Variants in TNPO1 observed in about 807,000 individuals in gnomAD.
The protein encoded by TNPO1 is transportin-1.
A neutral mutation model predicts 119.5 loss-of-function variants in TNPO1; 8 were observed. The ratio of observed to expected loss-of-function variants is 0.07; its 90% CI spans 0.04 to 0.12. The LOEUF (loss-of-function observed/expected upper bound fraction) is 0.12, where lower values mean the gene tolerates loss of function less well. TNPO1 is among the 10% of genes least tolerant of loss of function. The pLI is 1.00. For missense variants in TNPO1, 576 were observed against 1,089.8 expected (o/e 0.53, Z 6.64); for synonymous variants, 362 against 363.0 (o/e 1.00, Z 0.03).
At position 72,904,263 on chromosome 5, in the gene TNPO1, G is replaced by C. The variant is rs565623417; in HGVS notation, c.2589+480G>C. Reference sequence around the variant, plus strand: ...GATTAAAGTTAGTGAACTATAGTTTGTCGTGAACTCAAAGCTTGTGTATTT... The same window carrying C: ...GATTAAAGTTAGTGAACTATAGTTTCTCGTGAACTCAAAGCTTGTGTATTT... On this transcript the variant is annotated intron_variant, in intron 23 of 24. Coordinates refer to ENST00000337273, the MANE Select transcript of TNPO1 (RefSeq NM_002270.4). Among the ~76,000 whole-genome samples, 9 of 152,288 alleles carry C rather than the reference G, an allele frequency of 5.9e-5. No homozygotes were observed. In the South Asian group the frequency reaches 1.9e-3, roughly 32 times the overall value.
At chr5:72,867,925 C>T (rs1747047621) in intron 6 of TNPO1, among the ~76,000 whole-genome samples, 1 of 152,082 alleles carries the variant, frequency 6.6e-6, no homozygotes, top group Admixed American at 6.6e-5. Flanking sequence ...TCATTATGGT[C>T]TTGATAATAC....
rs1750480331 is a variant in TNPO1 at position 72,910,367 on chromosome 5, A to G, written c.*1694A>G. The G allele has an allele frequency of 6.6e-6, 1 of 152,592 alleles. No homozygotes were observed. Among genetic ancestry groups the G allele is most frequent in the African/African-American group, 2.4e-5 (1 of 41,442 alleles). 9.5% of individuals were successfully genotyped at this position (152,592 alleles called of 1,614,324 possible). Reference sequence around the variant, plus strand: ...ATGTGTATTTTCTTATATACTGTGAATGTGAAAACCTAACTGGTACACTTG... The same window carrying G: ...ATGTGTATTTTCTTATATACTGTGAGTGTGAAAACCTAACTGGTACACTTG... On this transcript the variant is annotated 3_prime_UTR_variant, in exon 25 of 25. Transcript: ENST00000337273.
At chr5:72,897,181 G>T in intron 20 of TNPO1, 30 bp downstream of exon 20, 1 of 1,511,956 alleles carries the variant, frequency 6.6e-7, no homozygotes, top group East Asian at 2.3e-5. Flanking sequence ...TTTCAGTGAA[G>T]AGAAAATTTG....
At position 72,901,176 on chromosome 5, in the gene TNPO1, G is replaced by T; in HGVS notation, c.2514+103G>T. 5 of 672,008 alleles carry T rather than the reference G, an allele frequency of 7.4e-6. No homozygotes were observed. In the South Asian group the frequency reaches 9.5e-5, roughly 13 times the overall value. The allele number at this position is 672,008 out of a possible 1,614,324, so 41.6% of individuals were successfully genotyped here. A position where few individuals can be genotyped will look rare whatever the true frequency, so the allele number is the denominator to read the frequency against. On this transcript the variant is annotated intron_variant, in intron 22 of 24. Coordinates refer to ENST00000337273, the MANE Select transcript of TNPO1 (RefSeq NM_002270.4). ...TATAAAAAGTTAACTATTTTCAAAG[G>T]TATCAAAATACAGTTAAACCTTTAA...
intron 7 of TNPO1, among the ~76,000 whole-genome samples, chr5:72,873,016 C>G (rs1747521041): frequency 6.6e-6 from 1 of 152,018 alleles, no homozygotes; most frequent in Admixed American, 6.6e-5. Flanking sequence ...CTTCAATATA[C>G]TGTTCAAATT....
At chr5:72,873,615 C>T (rs926835719) in intron 7 of TNPO1, among the ~76,000 whole-genome samples, 1 of 152,084 alleles carries the variant, frequency 6.6e-6, no homozygotes, top group Non-Finnish European at 1.5e-5. Flanking sequence ...ACTAGGGATA[C>T]TTAAATTTTA....
At chr5:72,832,017 A>G (rs1294191038) in intron 1 of TNPO1, among the ~76,000 whole-genome samples, 1 of 152,040 alleles carries the variant, frequency 6.6e-6, no homozygotes, top group African/African-American at 2.4e-5. Context: ...CCATATATTT[A>G]CTATTGATAC....
In TNPO1 at chr5:72,909,295, A is replaced by G. The variant is rs1393866364; in HGVS notation, c.*622A>G. ...GTTACAATTTAAGGTACCCCAAAAA[A>G]GTTGGAAATAAAACAAAACAAACAT... On this transcript the variant is annotated 3_prime_UTR_variant, in exon 25 of 25. Transcript: ENST00000337273. 6.7e-6 allele frequency: 1 copy of G among 150,190 alleles called. No individual in the cohort carries two copies. Among genetic ancestry groups the G allele is most frequent in the Non-Finnish European group, 1.5e-5 (1 of 67,550 alleles). 9.3% of individuals were successfully genotyped at this position (150,190 alleles called of 1,614,324 possible).
rs1047469445 is a variant in TNPO1 at position 72,868,675 on chromosome 5, A to G, written c.596+2946A>G. ...TATTCTATTGCTGTTTCATGACTAA[A>G]GCTTCAAATTGAATTCTGATATATC... On this transcript the variant is annotated intron_variant, in intron 6 of 24. Coordinates refer to ENST00000337273, the MANE Select transcript of TNPO1 (RefSeq NM_002270.4). Among the ~76,000 whole-genome samples, 3 of 152,252 alleles carry G rather than the reference A, an allele frequency of 2.0e-5. No homozygotes were observed. In the East Asian group the frequency reaches 5.8e-4, roughly 29 times the overall value.
At chr5:72,892,527 T>A (rs1749137121) in intron 15 of TNPO1, among the ~76,000 whole-genome samples, 1 of 152,156 alleles carries the variant, frequency 6.6e-6, no homozygotes, top group South Asian at 2.1e-4. Context: ...AGAAGAATCA[T>A]TATGGTTCAT....
At chr5:72,824,271 C>T (rs2112168080) in intron 1 of TNPO1, among the ~76,000 whole-genome samples, 1 of 152,294 alleles carries the variant, frequency 6.6e-6, no homozygotes, top group South Asian at 2.1e-4. Flanking sequence ...TATTTCTCCC[C>T]TCTTAGGAAA....
chr5:72,838,649 C>G (rs745486846), intron 1 of TNPO1, among the ~76,000 whole-genome samples: 6 of 152,150 alleles, frequency 3.9e-5, no homozygotes, highest in Non-Finnish European at 7.4e-5. Context: ...TTGTCTCCAT[C>G]TTTTATGCAT....
intron 1 of TNPO1, 85 bp from the exon 2 acceptor site, chr5:72,848,300 G>T: frequency 4.3e-6 from 6 of 1,402,764 alleles, no homozygotes; most frequent in Non-Finnish European, 5.6e-6. Flanking sequence ...GGGAGAACGG[G>T]TCAGCTGCGC....
chr5:72,906,454 G>A (rs1750175071), intron 24 of TNPO1, among the ~76,000 whole-genome samples: 1 of 151,700 alleles, frequency 6.6e-6, no homozygotes, highest in Non-Finnish European at 1.5e-5. Context: ...ACCATGCCTG[G>A]CTAATTTTTG....
chr5:72,879,173 G>T, intron 9 of TNPO1: 1 of 197,000 alleles, frequency 5.1e-6, no homozygotes, highest in Non-Finnish European at 1.1e-5. Flanking sequence ...TTGGGCCACA[G>T]CCTTCCAGAC....
intron 18 of TNPO1, 35 bp from the exon 19 acceptor site, chr5:72,896,422 GA>G: frequency 6.7e-7 from 1 of 1,496,750 alleles, no homozygotes; most frequent in Non-Finnish European, 9.3e-7. Context: ...TACTGCTATT[GA>G]AAAGTTTACT....
At position 72,911,597 on chromosome 5, in the gene TNPO1, G is replaced by A. The variant is rs916058421; in HGVS notation, c.*2924G>A. The A allele has an allele frequency of 8.5e-5, 13 of 152,500 alleles. No individual in the cohort carries two copies. Among genetic ancestry groups the A allele is most frequent in the African/African-American group, 3.1e-4 (13 of 41,424 alleles). The allele number at this position is 152,500 out of a possible 1,614,324, so 9.4% of individuals were successfully genotyped here. On this transcript the variant is annotated 3_prime_UTR_variant, in exon 25 of 25. Transcript: ENST00000337273. The stretch of plus-strand genomic sequence containing the variant: ...AAAGCAACTTAATTCTTGTGGTGTA[G>A]TCTTAATAGTTTTGAATGTTGACTG...
At chr5:72,892,868 T>A (rs907994451) in intron 15 of TNPO1, among the ~76,000 whole-genome samples, 5 of 151,956 alleles carry the variant, frequency 3.3e-5, no homozygotes, top group Admixed American at 6.6e-5. Context: ...GGGAAAAATA[T>A]GAACACATAA....
chr5:72,845,784 T>C (rs1276849530), intron 1 of TNPO1, among the ~76,000 whole-genome samples: 1 of 151,814 alleles, frequency 6.6e-6, no homozygotes, highest in African/African-American at 2.4e-5. Context: ...CCTGATATTA[T>C]GGTACAGCCA....
Sources: gnomAD v4.1 joint callset for allele counts (sites outside exome capture counted in the v4.1 genomes callset) on GRCh38, gnomAD v4.1.1 for gene constraint, MANE v1.5 for transcripts, NCBI Gene and HGNC (gene_info 2026-07-23, HGNC 2026-07-21) for gene names.